SH3RF1: variants seen among roughly 807,000 people sequenced by gnomAD.
SH3RF1 encodes the protein SH3 domain containing ring finger 1.
SH3RF1 carries 32 observed loss-of-function variants against 74.0 expected under a neutral mutation model. That is an observed-to-expected ratio of 0.43 (90% CI 0.33 to 0.58). The LOEUF (loss-of-function observed/expected upper bound fraction) is 0.58, where lower values mean the gene tolerates loss of function less well. Among genes scored for constraint, SH3RF1 ranks in the 20% least tolerant of loss-of-function variants. The pLI is 0.05. For missense variants in SH3RF1, 954 were observed against 1,130.9 expected (o/e 0.84, Z 2.24); for synonymous variants, 396 against 439.6 (o/e 0.90, Z 1.24).
At chr4:169,165,715 T>G (rs1174241768) in intron 2 of SH3RF1, among the ~76,000 whole-genome samples, 4 of 152,082 alleles carry the variant, frequency 2.6e-5, no homozygotes, top group Non-Finnish European at 4.4e-5. Flanking sequence ...CATTAACACC[T>G]TGGAGAGAGG....
At chr4:169,196,271 T>C (rs1028017374) in intron 2 of SH3RF1, among the ~76,000 whole-genome samples, 1 of 152,214 alleles carries the variant, frequency 6.6e-6, no homozygotes, top group Non-Finnish European at 1.5e-5. Flanking sequence ...ATCAACAGGT[T>C]CTTGGAAACT....
At chr4:169,164,997 C>T (rs1338584408) in intron 2 of SH3RF1, among the ~76,000 whole-genome samples, 3 of 152,112 alleles carry the variant, frequency 2.0e-5, no homozygotes, top group African/African-American at 7.2e-5. Context: ...TCACTCATTG[C>T]CTTGAATATT....
Position 169,228,784 on chromosome 4 carries a change from A to G in SH3RF1, c.393+40036T>C, listed in dbSNP as rs146118380. On this transcript the variant is annotated intron_variant, in intron 2 of 11. Coordinates refer to ENST00000284637, the MANE Select transcript of SH3RF1 (RefSeq NM_020870.4). ...ACACTTTCTATTTTATTTTTCATAC[A>G]GACTCACAGACATATACCACACCCA... 4.0e-3 allele frequency among the ~76,000 whole-genome samples: 616 copies of G among 152,320 alleles called. 6 individuals are homozygous for G. The highest frequency in any genetic ancestry group is 0.014 in the African/African-American group (586 of 41,580).
At chr4:169,179,287 G>GTA (rs1368052650) in intron 2 of SH3RF1, among the ~76,000 whole-genome samples, 1 of 152,196 alleles carries the variant, frequency 6.6e-6, no homozygotes, top group Non-Finnish European at 1.5e-5. Context: ...ACATAAAAAT[G>GTA]TAAATAAGGA....
At chr4:169,233,015 GAGGC>G (rs1561059970) in intron 2 of SH3RF1, among the ~76,000 whole-genome samples, 1 of 152,100 alleles carries the variant, frequency 6.6e-6, no homozygotes, top group African/African-American at 2.4e-5. Context: ...TTGGGAGGCC[GAGGC>G]AGGCAGATCA....
At chr4:169,204,438 C>T (rs1730200823) in intron 2 of SH3RF1, among the ~76,000 whole-genome samples, 1 of 152,100 alleles carries the variant, frequency 6.6e-6, no homozygotes, top group South Asian at 2.1e-4. Context: ...CCAAGTTTAA[C>T]ACTCCACATA....
In SH3RF1 at chr4:169,155,467, C is replaced by A. The variant is rs1330792866; in HGVS notation, c.765+13G>T. 6.3e-7 allele frequency: 1 copy of A among 1,580,436 alleles called. No individual in the cohort carries two copies. Among genetic ancestry groups the A allele is most frequent in the Admixed American group, 1.7e-5 (1 of 59,914 alleles). On this transcript the variant is annotated intron_variant, in intron 4 of 11. Transcript: ENST00000284637. ...AATATTAACACAGTTCAAGTTTCTA[C>A]AGATTAATTTACCTCAACATATGAA... is the stretch of plus-strand genomic sequence containing the variant.
At chr4:169,191,775 A>G (rs140619010) in intron 2 of SH3RF1, among the ~76,000 whole-genome samples, 4,187 of 152,272 alleles carry the variant, frequency 0.027, 75 homozygotes, top group Non-Finnish European at 0.044. Context: ...CAAGGCAAAC[A>G]AAAACAAAGT....
chr4:169,256,193 A>G (rs1266060699), intron 2 of SH3RF1, among the ~76,000 whole-genome samples: 3 of 152,162 alleles, frequency 2.0e-5, no homozygotes, highest in Non-Finnish European at 2.9e-5. Flanking sequence ...TTTTAAAATT[A>G]CTTGAGCTAT....
At chr4:169,209,190 G>A (rs1166901886) in intron 2 of SH3RF1, among the ~76,000 whole-genome samples, 1 of 151,940 alleles carries the variant, frequency 6.6e-6, no homozygotes, top group Non-Finnish European at 1.5e-5. Context: ...TCAGGAGGAT[G>A]AGGCAGGAGA....
At chr4:169,248,255 T>C (rs1731041714) in intron 2 of SH3RF1, among the ~76,000 whole-genome samples, 1 of 152,180 alleles carries the variant, frequency 6.6e-6, no homozygotes, top group African/African-American at 2.4e-5. Flanking sequence ...CCATTAATGA[T>C]AGACCGCATA....
At chr4:169,171,420 G>A (rs1379775947) in intron 2 of SH3RF1, among the ~76,000 whole-genome samples, 1 of 152,096 alleles carries the variant, frequency 6.6e-6, no homozygotes, top group Non-Finnish European at 1.5e-5. Context: ...ATTAATGAGG[G>A]GGAAACAGAC....
intron 2 of SH3RF1, among the ~76,000 whole-genome samples, chr4:169,160,971 G>A (rs1432679582): frequency 6.6e-6 from 1 of 152,200 alleles, no homozygotes; most frequent in Non-Finnish European, 1.5e-5. Flanking sequence ...CGAAAGGTCT[G>A]AGAGTCATGT....
chr4:169,115,824 A>G (rs529797068), intron 10 of SH3RF1, among the ~76,000 whole-genome samples: 1 of 152,312 alleles, frequency 6.6e-6, no homozygotes, highest in East Asian at 1.9e-4. Flanking sequence ...TTTGATCAAC[A>G]GTTTCATCCC....
chr4:169,198,951 C>A (rs1034252900), intron 2 of SH3RF1, among the ~76,000 whole-genome samples: 1 of 152,118 alleles, frequency 6.6e-6, no homozygotes, highest in Non-Finnish European at 1.5e-5. Flanking sequence ...GGATTTATTA[C>A]CAGCAGGATT....
intron 11 of SH3RF1, among the ~76,000 whole-genome samples, chr4:169,098,565 G>A (rs1049659555): frequency 1.3e-5 from 2 of 152,164 alleles, no homozygotes; most frequent in Non-Finnish European, 2.9e-5. Flanking sequence ...TTTGGCACAG[G>A]GACCAAATTA....
intron 2 of SH3RF1, among the ~76,000 whole-genome samples, chr4:169,243,278 C>G (rs1444524597): frequency 1.3e-5 from 2 of 152,136 alleles, no homozygotes; most frequent in Admixed American, 6.6e-5. Context: ...TTTGGGAGGT[C>G]GAAGCAGGCG....
chr4:169,150,633 G>A (rs913407550), intron 4 of SH3RF1, among the ~76,000 whole-genome samples: 3 of 152,102 alleles, frequency 2.0e-5, no homozygotes, highest in African/African-American at 7.2e-5. Flanking sequence ...GCTACCCCCA[G>A]GGGGGTCTTC....
At chr4:169,237,114 G>T (rs559211532) in intron 2 of SH3RF1, among the ~76,000 whole-genome samples, 23 of 152,190 alleles carry the variant, frequency 1.5e-4, no homozygotes, top group Non-Finnish European at 2.9e-4. Flanking sequence ...GTGCCAACTG[G>T]CTGTGTGACA....
Sources: gnomAD v4.1 joint callset for allele counts (sites outside exome capture counted in the v4.1 genomes callset) on GRCh38, gnomAD v4.1.1 for gene constraint, MANE v1.5 for transcripts, NCBI Gene and HGNC (gene_info 2026-07-23, HGNC 2026-07-21) for gene names.